Variants in BMPR2 observed in about 807,000 individuals in gnomAD.
BMPR2 encodes bone morphogenetic protein receptor type 2.
A neutral mutation model predicts 100.8 loss-of-function variants in BMPR2; 29 were observed. The observed-to-expected ratio is 0.29, with a 90% CI of 0.21 to 0.39. The LOEUF (loss-of-function observed/expected upper bound fraction) is 0.39, where lower values mean the gene tolerates loss of function less well. Ranked by LOEUF, BMPR2 falls within the 10% of genes least tolerant of loss-of-function variation. The probability of loss-of-function intolerance (pLI) is 1.00; values close to 1 mark genes in which losing one functional copy is unlikely to be tolerated. For synonymous variants in BMPR2, 382 were observed against 442.3 expected, an observed-to-expected ratio of 0.86 and a Z score of 1.71; for missense variants, 1,011 against 1,274.5, an observed-to-expected ratio of 0.79 and a Z score of 3.15.
intron 3 of BMPR2, among the ~76,000 whole-genome samples, chr2:202,470,911 AAGT>A (rs1436220738): frequency 2.0e-5 from 3 of 151,876 alleles, no homozygotes; most frequent in Non-Finnish European, 4.4e-5. Flanking sequence ...AAAAATTAAA[AAGT>A]AGCCAGGTGT....
Position 202,531,930 on chromosome 2 carries a change from A to ATTTTTTTTTTT in BMPR2, c.1129-638_1129-628dup, listed in dbSNP as rs71035015. 5.7e-5 allele frequency among the ~76,000 whole-genome samples: 3 copies of ATTTTTTTTTTT among 52,278 alleles called. 1 individual carries two copies. The highest frequency in any genetic ancestry group is 1.4e-3 in the East Asian group (2 of 1,440). The allele number at this position is 52,278 out of a possible 152,430, so 34.3% of individuals were successfully genotyped here. A position where few individuals can be genotyped will look rare whatever the true frequency, so the allele number is the denominator to read the frequency against. ...AGTGTGAGCCACCACGCCCAGCTGTATTTTTTTTTTTTTTTTTTTTTTTTT... is the reference window on the plus strand; with the variant it reads ...AGTGTGAGCCACCACGCCCAGCTGTATTTTTTTTTTTTTTTTTTTTTTTTTTTTTTTTTTTT... On this transcript the variant is annotated intron_variant, in intron 8 of 12. Coordinates refer to ENST00000374580, the MANE Select transcript of BMPR2 (RefSeq NM_001204.7).
At chr2:202,518,675 A>G (rs2106006588) in intron 5 of BMPR2, 147 bp from the exon 6 acceptor site, 1 of 771,746 alleles carries the variant, frequency 1.3e-6, no homozygotes, top group Non-Finnish European at 2.2e-6. Context: ...GCCATACTAG[A>G]ACAGAATTTA....
At chr2:202,422,350 A>C (rs1478540954) in intron 1 of BMPR2, among the ~76,000 whole-genome samples, 1 of 152,088 alleles carries the variant, frequency 6.6e-6, no homozygotes, top group Admixed American at 6.6e-5. Flanking sequence ...TCTGTCGCCC[A>C]GGCTGGAGTG....
intron 10 of BMPR2, among the ~76,000 whole-genome samples, chr2:202,543,843 T>C (rs181763213): frequency 6.6e-6 from 1 of 152,300 alleles, no homozygotes; most frequent in African/African-American, 2.4e-5. Flanking sequence ...TGTGCTTGGA[T>C]TTATAGGAAA....
intron 3 of BMPR2, among the ~76,000 whole-genome samples, chr2:202,480,742 A>G (rs946307858): frequency 2.6e-5 from 4 of 152,058 alleles, no homozygotes; most frequent in East Asian, 3.9e-4. Context: ...TCATGAGGTC[A>G]GGAGATCAAG....
At chr2:202,433,580 A>G (rs1378675321) in intron 1 of BMPR2, among the ~76,000 whole-genome samples, 1 of 150,798 alleles carries the variant, frequency 6.6e-6, no homozygotes, top group Non-Finnish European at 1.5e-5. Flanking sequence ...CCCCAAAGAA[A>G]TCAGCAGTTT....
rs1691880867 is a variant in BMPR2 at position 202,447,723 on chromosome 2, C to T, written c.77-17086C>T. ...AAATGATTACCAGTGTTTGCTATTA[C>T]AAATAATGTTCTAGTAAGTAAGTAC... On this transcript the variant is annotated intron_variant, in intron 1 of 12. Coordinates refer to ENST00000374580, the MANE Select transcript of BMPR2 (RefSeq NM_001204.7). Among the ~76,000 whole-genome samples the T allele has an allele frequency of 2.0e-5, 3 of 150,660 alleles. 1 individual carries two copies. The South Asian group carries it at 6.2e-4, about 31-fold the overall frequency.
At chr2:202,393,747 T>C (rs1009059569) in intron 1 of BMPR2, among the ~76,000 whole-genome samples, 7 of 152,276 alleles carry the variant, frequency 4.6e-5, no homozygotes, top group Admixed American at 3.3e-4. Flanking sequence ...GAATATACTC[T>C]GTGGGTTGCA....
chr2:202,536,848 C>T (rs547200053), intron 9 of BMPR2, among the ~76,000 whole-genome samples: 32 of 109,368 alleles, frequency 2.9e-4, no homozygotes, highest in South Asian at 1.4e-3. Context: ...CCAGCCTGGG[C>T]AACAAGAGTG....
At chr2:202,410,945 G>A (rs529840269) in intron 1 of BMPR2, among the ~76,000 whole-genome samples, 3 of 152,132 alleles carry the variant, frequency 2.0e-5, no homozygotes, top group African/African-American at 7.2e-5. Context: ...TATGTTCACA[G>A]TAAAATTGAG....
At chr2:202,396,703 T>C (rs1690662424) in intron 1 of BMPR2, among the ~76,000 whole-genome samples, 1 of 152,238 alleles carries the variant, frequency 6.6e-6, no homozygotes, top group Admixed American at 6.5e-5. Context: ...ACATCAGAGA[T>C]ATTGCATGCT....
intron 1 of BMPR2, among the ~76,000 whole-genome samples, chr2:202,446,801 C>T (rs1392748549): frequency 6.7e-6 from 1 of 149,250 alleles, no homozygotes; most frequent in Non-Finnish European, 1.5e-5. Flanking sequence ...CAGGCATGTA[C>T]CTACCACGCC....
intron 1 of BMPR2, among the ~76,000 whole-genome samples, chr2:202,405,318 G>A (rs1024921822): frequency 5.3e-5 from 8 of 152,088 alleles, no homozygotes; most frequent in African/African-American, 7.2e-5. Flanking sequence ...GACAGGAAAA[G>A]GTTGATTGTT....
intron 3 of BMPR2, among the ~76,000 whole-genome samples, chr2:202,469,247 C>T (rs956174395): frequency 5.3e-5 from 8 of 151,900 alleles, no homozygotes; most frequent in African/African-American, 1.9e-4. Flanking sequence ...AGGCTGGTCT[C>T]GAAGTCCCGA....
Position 202,495,638 on chromosome 2 carries a change from G to GCCCTAGTCAGGGACGCA in BMPR2, c.419-18078_419-18062dup. On this transcript the variant is annotated intron_variant, in intron 3 of 12. Transcript: ENST00000374580. This position sits in a 1 kb window ranked among gnomAD's most constrained non-coding sequence, Gnocchi z 4.5. ...CCTCACCTAGGTCTGTTGGGGTGGA[G>GCCCTAGTCAGGGACGCA]CCCTAGTCAGGGACGCACCTTTCTC... Among the ~76,000 whole-genome samples the GCCCTAGTCAGGGACGCA allele has an allele frequency of 6.6e-6, 1 of 152,186 alleles. No homozygotes were observed. Among genetic ancestry groups the GCCCTAGTCAGGGACGCA allele is most frequent in the East Asian group, 1.9e-4 (1 of 5,172 alleles).
intron 3 of BMPR2, among the ~76,000 whole-genome samples, chr2:202,508,918 T>A (rs933823606): frequency 1.3e-5 from 2 of 152,222 alleles, no homozygotes; most frequent in Non-Finnish European, 2.9e-5. Flanking sequence ...GGTTATGATC[T>A]CAGTGATGTT....
rs147936167 is a variant in BMPR2, at chr2:202,377,382, A to G, written c.-93A>G. On this transcript the variant is annotated 5_prime_UTR_variant, in exon 1 of 13. Transcript: ENST00000374580. ...ATTGTGATACGGGCAGGATCAGTCC[A>G]CGGGAGAGAAGACGAGCCTCCCGGC... 358 of 1,220,970 alleles carry G rather than the reference A, an allele frequency of 2.9e-4. No individual in the cohort carries two copies. In the East Asian group the frequency reaches 7.4e-3, roughly 25 times the overall value. 75.6% of individuals were successfully genotyped at this position (1,220,970 alleles called of 1,614,324 possible). A position where few individuals can be genotyped will look rare whatever the true frequency, so the allele number is the denominator to read the frequency against.
At position 202,468,339 on chromosome 2, in the gene BMPR2, C is replaced by T. The variant is rs984160300; in HGVS notation, c.418+650C>T. On this transcript the variant is annotated intron_variant, in intron 3 of 12. Transcript: ENST00000374580. ...CAAAACAATAAATAAATTAGCCAGG[C>T]GTGGTGGTGCGCATGTGTAGTTCAG... Among the ~76,000 whole-genome samples, 7 of 152,076 alleles carry T rather than the reference C, an allele frequency of 4.6e-5. No homozygotes were observed. The South Asian group carries it at 6.2e-4, about 14-fold the overall frequency.
At chr2:202,525,467 G>A (rs1687892432) in intron 7 of BMPR2, among the ~76,000 whole-genome samples, 1 of 152,108 alleles carries the variant, frequency 6.6e-6, no homozygotes, top group Admixed American at 6.5e-5. Flanking sequence ...AAAGTGCTGG[G>A]ATTACAGGCA....
Sources: allele counts gnomAD v4.1 joint callset (sites outside exome capture counted in the v4.1 genomes callset), GRCh38; gene constraint gnomAD v4.1.1; non-coding constraint Gnocchi (gnomAD v3.1); transcripts MANE v1.5; gene names NCBI Gene and HGNC (gene_info 2026-07-23, HGNC 2026-07-21).